Variants in KCNH3 observed in about 807,000 individuals in gnomAD.
KCNH3 encodes the protein potassium voltage-gated channel subfamily H member 3.
A neutral mutation model predicts 95.6 loss-of-function variants in KCNH3; 36 were observed. The ratio of observed to expected loss-of-function variants is 0.38; its 90% confidence interval spans 0.29 to 0.50. KCNH3 has a LOEUF of 0.50. Among genes scored for constraint, KCNH3 ranks in the 20% least tolerant of loss-of-function variants. The pLI is 0.95. For synonymous variants in KCNH3, 620 were observed against 646.3 expected (o/e 0.96, Z 0.62); for missense variants, 1,030 against 1,484.1 (o/e 0.69, Z 5.03).
chr12:49,544,180 C>T lies in KCNH3; in HGVS notation c.987C>T (p.Phe329=), dbSNP rs372126116. 26 of 1,030,194 alleles carry T rather than the reference C, an allele frequency of 2.5e-5. No homozygotes were observed. The highest frequency in any genetic ancestry group is 5.2e-5 in the East Asian group (1 of 19,066). The allele number at this position is 1,030,194 out of a possible 1,614,324, so 63.8% of individuals were successfully genotyped here. The change falls in exon 7 of 15, where the codon TTC becomes TTT. Residue 329 remains phenylalanine, a synonymous_variant. Coordinates refer to ENST00000257981, the MANE Select transcript of KCNH3 (RefSeq NM_012284.3). ...CCTCCCTCCCCGCATCTCAGTACTTCGGGGCCCATCTGCTGAAGACGGTGC... is the reference window on the plus strand; with the variant it reads ...CCTCCCTCCCCGCATCTCAGTACTTTGGGGCCCATCTGCTGAAGACGGTGC... ...LLHAFKVNVY[F]GAHLLKTVRL... is the part of the protein sequence containing the mutation.
At chr12:49,549,842 T>G (rs1336778605) in intron 9 of KCNH3, among the ~76,000 whole-genome samples, 1 of 152,298 alleles carries the variant, frequency 6.6e-6, no homozygotes, top group South Asian at 2.1e-4. Flanking sequence ...GTCTGGGGGC[T>G]TGGTACTCAC....
chr12:49,549,696 A>G (rs1938193526), intron 9 of KCNH3, 56 bp downstream of exon 9: 2 of 1,504,538 alleles, frequency 1.3e-6, no homozygotes, highest in Non-Finnish European at 9.0e-7. Flanking sequence ...GGTTTGCAAT[A>G]GCCTAGAATT....
Position 49,550,326 on chromosome 12 carries a change from C to G in KCNH3, c.1915C>G (p.Leu639Val), listed in dbSNP as rs538668328. The change falls in exon 10 of 15, where the codon CTA becomes GTA. Residue 639 changes from leucine (L) to valine (V), a missense_variant. Physicochemically the swap from Leu to Val is conservative, Grantham distance 32. This residue lies in a region of KCNH3 where 160 missense variants were observed against 316.2 expected (regional missense o/e 0.51). Transcript: ENST00000257981. ...VLKGGTVLAI[L>V]GKGDLIGCEL... is the part of the protein sequence containing the mutation. ...CAAGGGTGGCACCGTGCTCGCCATC[C>G]TAGGTTTGTGAGGGTGGGAGAGAGG... 1 of 1,598,996 alleles carries G rather than the reference C, an allele frequency of 6.3e-7. No homozygotes were observed. The highest frequency in any genetic ancestry group is 1.7e-5 in the Admixed American group (1 of 59,804).
chr12:49,556,189 G>A lies in KCNH3; in HGVS notation c.2469-181G>A. ...CTTGCATCTCATGCTGCTCAAGCTT[G>A]GCCCCCCAGCTAAACTGTAAGCTCC... On this transcript the variant is annotated intron_variant, in intron 12 of 14. Coordinates refer to ENST00000257981, the MANE Select transcript of KCNH3 (RefSeq NM_012284.3). 6.5e-6 allele frequency: 4 copies of A among 612,404 alleles called. No homozygotes were observed. The South Asian group carries it at 8.0e-5, about 12-fold the overall frequency. 37.9% of individuals were successfully genotyped at this position (612,404 alleles called of 1,614,324 possible). A position where few individuals can be genotyped will look rare whatever the true frequency, so the allele number is the denominator to read the frequency against.
At position 49,555,748 on chromosome 12, in the gene KCNH3, C is replaced by A; in HGVS notation, c.2265C>A (p.Ser755=). The change falls in exon 12 of 15, where the codon TCC becomes TCA. Residue 755 remains serine, a synonymous_variant. Transcript: ENST00000257981. ...PADEPSSPLL[S]PGCTSSSSAA... ...ATGAGCCCTCCAGCCCCCTGCTGTC[C>A]CCTGGCTGCACCTCCTCATCCTCAG... The A allele has an allele frequency of 6.2e-7, 1 of 1,613,518 alleles. No individual in the cohort carries two copies. Among genetic ancestry groups the A allele is most frequent in the Non-Finnish European group, 8.5e-7 (1 of 1,179,814 alleles).
Position 49,539,920 on chromosome 12 carries a change from C to G in KCNH3, c.76+428C>G, listed in dbSNP as rs1249445611. Among the ~76,000 whole-genome samples, 1 of 152,146 alleles carries G rather than the reference C, an allele frequency of 6.6e-6. No individual in the cohort carries two copies. The highest frequency in any genetic ancestry group is 1.5e-5 in the Non-Finnish European group (1 of 68,024). ...CAGATTTAGAAAAGAGATTTGCAAA[C>G]GGAGATAAGAGTAGGCGGCACTCGG... is the stretch of plus-strand genomic sequence containing the variant. On this transcript the variant is annotated intron_variant, in intron 1 of 14. Transcript: ENST00000257981. This position sits in a 1 kb window ranked among gnomAD's most constrained non-coding sequence, Gnocchi z 6.7.
intron 13 of KCNH3, 109 bp from the exon 14 acceptor site, chr12:49,557,074 G>T: frequency 9.3e-7 from 1 of 1,070,220 alleles, no homozygotes. Context: ...GATCCTAGGA[G>T]TCAGGTCCTA....
At position 49,557,217 on chromosome 12, in the gene KCNH3, C is replaced by A. The variant is rs571172358; in HGVS notation, c.2610C>A (p.Ser870Arg). The A allele has an allele frequency of 1.4e-5, 23 of 1,613,782 alleles. No homozygotes were observed. Among genetic ancestry groups the A allele is most frequent in the Non-Finnish European group, 1.9e-5 (22 of 1,179,930 alleles). The change falls in exon 14 of 15, where the codon AGC (serine) becomes AGA (arginine). Residue 870 changes from serine (S) to arginine (R), a missense_variant. Transcript: ENST00000257981. ...SGLLTVPHGP[S>R]EARNTDTLDK... The stretch of plus-strand genomic sequence containing the variant: ...TGCTCACTGTTCCCCATGGGCCCAG[C>A]GAGGCAAGGAACACAGACACACTGG...
At chr12:49,548,285 G>A (rs1282135426) in intron 7 of KCNH3, among the ~76,000 whole-genome samples, 1 of 152,238 alleles carries the variant, frequency 6.6e-6, no homozygotes, top group African/African-American at 2.4e-5. Flanking sequence ...GCTGTGTTGA[G>A]GCGCCTGTAA....
At position 49,557,599 on chromosome 12, in the gene KCNH3, G is replaced by A. The variant is rs748387605; in HGVS notation, c.2898G>A (p.Pro966=). The change falls in exon 15 of 15, where the codon CCG becomes CCA. Residue 966 remains proline (P), a synonymous_variant. Coordinates refer to ENST00000257981, the MANE Select transcript of KCNH3 (RefSeq NM_012284.3). ...VLSGTWPHPR[P]GPPPLMAPWP... is the part of the protein sequence containing the mutation. ...GTGGGACTTGGCCCCACCCTCGTCC[G>A]GGGCCTCCTCCCCTCATGGCACCCT... 1.7e-5 allele frequency: 28 copies of A among 1,612,952 alleles called. 1 individual carries two copies. The highest frequency in any genetic ancestry group is 5.0e-5 in the Admixed American group (3 of 59,996).
Position 49,543,261 on chromosome 12 carries a change from C to G in KCNH3, c.580-14C>G. On this transcript the variant is annotated splice_polypyrimidine_tract_variant and intron_variant, in intron 4 of 14. Coordinates refer to ENST00000257981, the MANE Select transcript of KCNH3 (RefSeq NM_012284.3). Reference sequence around the variant, plus strand: ...TTCTTTCCTCTCTGCCTGGACCTGCCCTGCCTCACTCAGGGGGTGTTTGGG... The same window carrying G: ...TTCTTTCCTCTCTGCCTGGACCTGCGCTGCCTCACTCAGGGGGTGTTTGGG... 4 of 1,612,492 alleles carry G rather than the reference C, an allele frequency of 2.5e-6. No homozygotes were observed. Among genetic ancestry groups the G allele is most frequent in the Non-Finnish European group, 3.4e-6 (4 of 1,179,710 alleles).
intron 6 of KCNH3, 29 bp from the exon 7 acceptor site, chr12:49,544,146 C>CCCCA: frequency 5.8e-6 from 4 of 684,598 alleles, no homozygotes; most frequent in Non-Finnish European, 7.6e-6. Flanking sequence ...TGACCTCCCT[C>CCCCA]CCTCCCTCCC....
Position 49,557,434 on chromosome 12 carries a change from G to A in KCNH3, c.2733G>A (p.Ala911=), listed in dbSNP as rs146321077. 487 of 1,606,130 alleles carry A rather than the reference G, an allele frequency of 3.0e-4. 1 individual carries two copies. In the African/African-American group the frequency reaches 5.0e-3, roughly 16 times the overall value. Residue 911 remains alanine, a synonymous_variant, in exon 15 of 15, where the codon GCG becomes GCA. Transcript: ENST00000257981. ...SLRQAVQLVL[A]PHREGPCPRA... is the part of the protein sequence containing the mutation. ...GCCAGGCTGTGCAGCTTGTCCTGGC[G>A]CCCCACAGGGAGGGTCCGTGCCCTC...
intron 14 of KCNH3, 45 bp from the exon 15 acceptor site, chr12:49,557,309 C>T (rs1359879342): frequency 1.9e-6 from 3 of 1,613,394 alleles, no homozygotes; most frequent in Non-Finnish European, 1.7e-6. Context: ...GGAAGGCACT[C>T]CATGGCTGAC....
At position 49,558,057 on chromosome 12, in the gene KCNH3, G is replaced by A. The variant is rs1440149354; in HGVS notation, c.*104G>A. The A allele has an allele frequency of 7.6e-7, 1 of 1,310,272 alleles. No individual in the cohort carries two copies. Among genetic ancestry groups the A allele is most frequent in the East Asian group, 2.5e-5 (1 of 39,552 alleles). The allele number at this position is 1,310,272 out of a possible 1,614,324, so 81.2% of individuals were successfully genotyped here. On this transcript the variant is annotated 3_prime_UTR_variant, in exon 15 of 15. Transcript: ENST00000257981. ...GCAGCCTCCCCACGGACTCCATGCGGCCCGCTGGCTCAGGGCAGGGAGCCT... is the reference window on the plus strand; with the variant it reads ...GCAGCCTCCCCACGGACTCCATGCGACCCGCTGGCTCAGGGCAGGGAGCCT...
chr12:49,540,609 AC>A (rs1202373861), intron 1 of KCNH3, among the ~76,000 whole-genome samples: 2 of 151,848 alleles, frequency 1.3e-5, no homozygotes, highest in Non-Finnish European at 2.9e-5. Context: ...CCCAGCCCTT[AC>A]CCCACATTGC....
chr12:49,540,211 G>C (rs1592496181), intron 1 of KCNH3, among the ~76,000 whole-genome samples: 2 of 152,228 alleles, frequency 1.3e-5, no homozygotes, highest in African/African-American at 4.8e-5. Flanking sequence ...GTTCCTGATA[G>C]GGGGTGGGAG....
rs893645568 is a variant in KCNH3 at position 49,557,999 on chromosome 12, T to C, written c.*46T>C. 29 of 1,433,922 alleles carry C rather than the reference T, an allele frequency of 2.0e-5. No homozygotes were observed. The highest frequency in any genetic ancestry group is 7.4e-5 in the Admixed American group (3 of 40,500). The allele number at this position is 1,433,922 out of a possible 1,614,324, so 88.8% of individuals were successfully genotyped here. ...CGTTGCCAGGTGTGCTGCCATCTGC[T>C]GTTCGGCCCAACCTCAGAGTGAAGG... On this transcript the variant is annotated 3_prime_UTR_variant, in exon 15 of 15. Coordinates refer to ENST00000257981, the MANE Select transcript of KCNH3 (RefSeq NM_012284.3).
chr12:49,550,296 G>T lies in KCNH3; in HGVS notation c.1885G>T (p.Val629Leu). The change falls in exon 10 of 15, where the codon GTG becomes TTG. Residue 629 changes from valine (V) to leucine (L), a missense_variant. Val to Leu is a conservative substitution (Grantham distance 32, BLOSUM62 1). Around this residue, in one of 9 missense-constraint regions of KCNH3, gnomAD observed 160 missense variants for 316.2 expected, o/e 0.51. Transcript: ENST00000257981. ...LYFVCSGSME[V>L]LKGGTVLAIL... The stretch of plus-strand genomic sequence containing the variant: ...CTTTGTCTGCTCTGGCTCCATGGAG[G>T]TGCTCAAGGGTGGCACCGTGCTCGC... The T allele has an allele frequency of 6.2e-7, 1 of 1,608,444 alleles. No homozygotes were observed.
Sources: gnomAD v4.1 joint callset for allele counts (sites outside exome capture counted in the v4.1 genomes callset) on GRCh38, gnomAD v4.1.1 for gene constraint, gnomAD v4.1.1 regional missense constraint, Gnocchi (gnomAD v3.1) non-coding constraint, MANE v1.5 for transcripts, NCBI Gene and HGNC (gene_info 2026-07-23, HGNC 2026-07-21) for gene names.